MYRIP: variants seen among roughly 807,000 people sequenced by gnomAD.
The protein encoded by MYRIP is rab effector MyRIP.
A neutral mutation model predicts 98.0 loss-of-function variants in MYRIP; 49 were observed. That is an observed-to-expected ratio of 0.50 (90% confidence interval 0.40 to 0.63). The LOEUF is 0.63. Among genes scored for constraint, MYRIP ranks in the 30% least tolerant of loss-of-function variants. MYRIP has a pLI of 0.00. For synonymous variants in MYRIP, 404 were observed against 409.5 expected, an observed-to-expected ratio of 0.99 and a Z score of 0.16; for missense variants, 1,004 against 1,058.2, an observed-to-expected ratio of 0.95 and a Z score of 0.71.
In MYRIP at chr3:39,811,657, T is replaced by G. The variant is rs530960214; in HGVS notation, c.-31+1741T>G. ...TGTCTGTGGGACTGTTTCTGGAGAG[T>G]GGGGGGAGGCTGTGTGTGTGTGTGT... is the stretch of plus-strand genomic sequence containing the variant. On this transcript the variant is annotated intron_variant, in intron 1 of 16. Transcript: ENST00000302541. 7.5e-4 allele frequency among the ~76,000 whole-genome samples: 112 copies of G among 149,310 alleles called. 1 individual carries two copies. Among genetic ancestry groups the G allele is most frequent in the African/African-American group, 2.7e-3 (109 of 40,112 alleles).
chr3:39,872,493 C>T (rs539837456), intron 1 of MYRIP, among the ~76,000 whole-genome samples: 1 of 146,552 alleles, frequency 6.8e-6, no homozygotes, highest in African/African-American at 2.5e-5. Context: ...CCCCCTCCCC[C>T]CATCCCACAA....
chr3:39,885,249 A>G (rs1326066329), intron 1 of MYRIP, among the ~76,000 whole-genome samples: 1 of 151,688 alleles, frequency 6.6e-6, no homozygotes, highest in Non-Finnish European at 1.5e-5. Context: ...AAAAAACTCC[A>G]GTTGTTGAAA....
At chr3:39,892,753 A>T (rs1008363497) in intron 1 of MYRIP, among the ~76,000 whole-genome samples, 8 of 152,172 alleles carry the variant, frequency 5.3e-5, no homozygotes, top group Non-Finnish European at 4.4e-5. Flanking sequence ...AAGAAAAGCC[A>T]CTCATGAATG....
chr3:39,938,509 A>G (rs1017886139), intron 2 of MYRIP, among the ~76,000 whole-genome samples: 14 of 152,292 alleles, frequency 9.2e-5, no homozygotes, highest in Admixed American at 9.2e-4. Context: ...TTGCTAGGTC[A>G]TAGAGAATGC....
At chr3:40,177,193 A>C (rs184823581) in intron 8 of MYRIP, among the ~76,000 whole-genome samples, 128 of 152,160 alleles carry the variant, frequency 8.4e-4, no homozygotes, top group African/African-American at 2.9e-3. Flanking sequence ...ACCTTTCCTC[A>C]AGCTGTTCTC....
At chr3:40,122,380 T>A (rs1436131644) in intron 3 of MYRIP, among the ~76,000 whole-genome samples, 1 of 151,514 alleles carries the variant, frequency 6.6e-6, no homozygotes, top group Non-Finnish European at 1.5e-5. Flanking sequence ...AAGGCCTTTA[T>A]ATATTTTGAA....
At chr3:40,100,224 T>TTGGC in intron 3 of MYRIP, 1 of 985,456 alleles carries the variant, frequency 1.0e-6, no homozygotes. Flanking sequence ...GTAGAAGAGC[T>TTGGC]TGGCAGAAAG....
At chr3:40,187,770 G>A (rs1240346578) in intron 9 of MYRIP, among the ~76,000 whole-genome samples, 3 of 152,218 alleles carry the variant, frequency 2.0e-5, no homozygotes, top group African/African-American at 7.2e-5. Context: ...TAGAACACAT[G>A]GAAGAACGTG....
intron 1 of MYRIP, among the ~76,000 whole-genome samples, chr3:39,823,620 T>A (rs2125575843): frequency 6.6e-6 from 1 of 152,368 alleles, no homozygotes; most frequent in Admixed American, 6.5e-5. Flanking sequence ...TTGAGCATTA[T>A]AAATATATTT....
chr3:39,884,170 C>T (rs1943227918), intron 1 of MYRIP, among the ~76,000 whole-genome samples: 1 of 151,990 alleles, frequency 6.6e-6, no homozygotes, highest in Admixed American at 6.6e-5. Context: ...GGAATACTAT[C>T]CTAAAGTGCT....
intron 2 of MYRIP, among the ~76,000 whole-genome samples, chr3:39,905,639 C>G (rs1301123933): frequency 6.6e-6 from 1 of 152,122 alleles, no homozygotes; most frequent in Non-Finnish European, 1.5e-5. Context: ...TAGCTTTACT[C>G]TCATACATAC....
intron 1 of MYRIP, among the ~76,000 whole-genome samples, chr3:39,823,357 G>A (rs922793068): frequency 1.3e-5 from 2 of 152,236 alleles, no homozygotes; most frequent in South Asian, 2.1e-4. Flanking sequence ...TTGAATAAAT[G>A]CCCAGTAGCC....
At chr3:39,986,988 C>G (rs1946046484) in intron 2 of MYRIP, among the ~76,000 whole-genome samples, 1 of 152,052 alleles carries the variant, frequency 6.6e-6, no homozygotes, top group Non-Finnish European at 1.5e-5. Context: ...GTTTCATATT[C>G]TGCTCTTTAT....
In MYRIP at chr3:40,212,156, GTATATA is replaced by G. The variant is rs1448341798; in HGVS notation, c.1905+2070_1905+2075del. Among the ~76,000 whole-genome samples the G allele has an allele frequency of 3.7e-3, 136 of 36,294 alleles. 28 individuals are homozygous for G. Among genetic ancestry groups the G allele is most frequent in the East Asian group, 7.9e-3 (8 of 1,014 alleles). 23.8% of individuals were successfully genotyped at this position (36,294 alleles called of 152,430 possible). ...TATATATATATACATATATATACGTGTATATATATATACATATATATACGTGTATGT... is the reference window on the plus strand; with the variant it reads ...TATATATATATACATATATATACGTGTATATACATATATATACGTGTATGT... On this transcript the variant is annotated intron_variant, in intron 11 of 16. Coordinates refer to ENST00000302541, the MANE Select transcript of MYRIP (RefSeq NM_015460.4).
chr3:40,233,776 G>A, intron 11 of MYRIP, 83 bp from the exon 12 acceptor site: 1 of 1,258,136 alleles, frequency 7.9e-7, no homozygotes, highest in Non-Finnish European at 1.1e-6. Flanking sequence ...ATGATGATGA[G>A]TGTCATGATA....
At position 40,202,843 on chromosome 3, in the gene MYRIP, G is replaced by C. The variant is rs552807847; in HGVS notation, c.1666-7011G>C. 3.3e-5 allele frequency among the ~76,000 whole-genome samples: 5 copies of C among 152,192 alleles called. No individual in the cohort carries two copies. The East Asian group carries it at 7.7e-4, about 23-fold the overall frequency. Reference sequence around the variant, plus strand: ...GTGCACCCAAACAGTGTGCTCAGCAGTGAGAAATGTCTCGTACCTTCTTCC... The same window carrying C: ...GTGCACCCAAACAGTGTGCTCAGCACTGAGAAATGTCTCGTACCTTCTTCC... On this transcript the variant is annotated intron_variant, in intron 10 of 16. Transcript: ENST00000302541.
At chr3:40,176,381 T>C (rs922494780) in intron 8 of MYRIP, among the ~76,000 whole-genome samples, 7 of 152,222 alleles carry the variant, frequency 4.6e-5, no homozygotes, top group African/African-American at 1.4e-4. Context: ...ATTTCCATCA[T>C]CCATCAAGTT....
intron 2 of MYRIP, among the ~76,000 whole-genome samples, chr3:40,002,158 G>A (rs775651674): frequency 6.6e-6 from 1 of 152,174 alleles, no homozygotes; most frequent in Non-Finnish European, 1.5e-5. Flanking sequence ...GACTAGTTGA[G>A]AACTTAAGGT....
intron 2 of MYRIP, among the ~76,000 whole-genome samples, chr3:39,937,557 A>G (rs995457243): frequency 2.6e-5 from 4 of 152,210 alleles, no homozygotes; most frequent in Admixed American, 2.0e-4. Context: ...AATTTGCCCA[A>G]TAACATACAA....
Sources: allele counts gnomAD v4.1 joint callset (sites outside exome capture counted in the v4.1 genomes callset), GRCh38; gene constraint gnomAD v4.1.1; transcripts MANE v1.5; gene names NCBI Gene and HGNC (gene_info 2026-07-23, HGNC 2026-07-21).